The following FHAD1 variants were observed in gnomAD, a reference collection of about 807,000 sequenced individuals.
FHAD1 encodes forkhead-associated domain-containing protein 1.
FHAD1 carries 146 observed loss-of-function variants against 191.3 expected under a neutral mutation model. The ratio of observed to expected loss-of-function variants is 0.76; its 90% confidence interval spans 0.67 to 0.88. The LOEUF (loss-of-function observed/expected upper bound fraction) is 0.88. Ranked by LOEUF, FHAD1 falls within the 40% of genes least tolerant of loss-of-function variation. The pLI is 0.00. For synonymous variants in FHAD1, 616 were observed against 672.3 expected (o/e 0.92, Z 1.29); for missense variants, 1,635 against 1,785.8 (o/e 0.92, Z 1.52).
At chr1:15,272,572 C>T (rs1392555310) in intron 3 of FHAD1, 43 bp downstream of exon 3, 14 of 1,513,080 alleles carry the variant, frequency 9.3e-6, no homozygotes, top group Non-Finnish European at 1.3e-5. Flanking sequence ...ATGTCGCCTT[C>T]GTGCAGCCCG....
intron 18 of FHAD1, among the ~76,000 whole-genome samples, chr1:15,346,174 G>A (rs1051144879): frequency 1.3e-5 from 2 of 152,162 alleles, no homozygotes; most frequent in Admixed American, 1.3e-4. Context: ...TCCCTCACAG[G>A]ACTAGAGCCT....
intron 2 of FHAD1, among the ~76,000 whole-genome samples, chr1:15,253,148 CTG>C (rs5772631): frequency 0.31 from 45,447 of 145,884 alleles, 7,216 homozygotes; most frequent in East Asian, 0.58. Flanking sequence ...GACATAAGTG[CTG>C]TGTGTGTGTG....
At chr1:15,341,987 C>G in intron 16 of FHAD1, 99 bp downstream of exon 16, 1 of 1,033,720 alleles carries the variant, frequency 9.7e-7, no homozygotes. Flanking sequence ...GAAATCTCAG[C>G]TACTCTGTTT....
rs1425212702 is a variant in FHAD1, at chr1:15,308,750, G to A, written c.1039+14G>A. 3.2e-6 allele frequency: 5 copies of A among 1,551,418 alleles called. No homozygotes were observed. The Admixed American group carries it at 7.8e-5, about 24-fold the overall frequency. ...CTATCACATCAGGTGAGCCCTTGGA[G>A]TCGGGCCTGGGAGCTGCCACTCCCG... On this transcript the variant is annotated intron_variant, in intron 7 of 33. Coordinates refer to ENST00000688493, the MANE Select transcript of FHAD1 (RefSeq NM_001391957.1).
chr1:15,267,728 G>T (rs1654119436), intron 2 of FHAD1, among the ~76,000 whole-genome samples: 1 of 150,044 alleles, frequency 6.7e-6, no homozygotes, highest in Admixed American at 6.7e-5. Flanking sequence ...TATCAAATTT[G>T]TGGACAGAGA....
intron 6 of FHAD1, among the ~76,000 whole-genome samples, chr1:15,302,705 G>A (rs1282595802): frequency 3.3e-5 from 5 of 151,516 alleles, no homozygotes; most frequent in African/African-American, 7.3e-5. Context: ...GCGACAGAGC[G>A]AGACTCCGTC....
Position 15,289,619 on chromosome 1 carries a change from T to G in FHAD1, c.521T>G (p.Phe174Cys). ...RRPVSANKEM[F>C]SFVVDDARKP... Reference sequence around the variant, plus strand: ...CCTGTGAGCGCCAACAAGGAGATGTTCTCGTTCGTGGTGGACGACGCCCGC... The same window carrying G: ...CCTGTGAGCGCCAACAAGGAGATGTGCTCGTTCGTGGTGGACGACGCCCGC... Residue 174 changes from phenylalanine (F) to cysteine (C), a missense_variant, in exon 4 of 34, where the codon TTC becomes TGC. Phe to Cys is a radical substitution (Grantham distance 205). Transcript: ENST00000688493. The surrounding 1 kb of genome is among the most constrained non-coding windows in gnomAD (Gnocchi z 4.2). The G allele has an allele frequency of 6.4e-7, 1 of 1,551,476 alleles. No individual in the cohort carries two copies. The highest frequency in any genetic ancestry group is 1.2e-5 in the South Asian group (1 of 84,046).
At position 15,339,272 on chromosome 1, in the gene FHAD1, C is replaced by A. The variant is rs566360681; in HGVS notation, c.1907-209C>A. On this transcript the variant is annotated intron_variant, in intron 14 of 33. Coordinates refer to ENST00000688493, the MANE Select transcript of FHAD1 (RefSeq NM_001391957.1). ...CTGACCTCAGGTGATCTGCCCATCT[C>A]AGCCTCCCAAAGTGCTGGGGTTACA... Among the ~76,000 whole-genome samples the A allele has an allele frequency of 3.9e-5, 6 of 152,310 alleles. No homozygotes were observed. The South Asian group carries it at 1.2e-3, about 32-fold the overall frequency.
chr1:15,283,034 C>T (rs933793793), intron 3 of FHAD1, among the ~76,000 whole-genome samples: 6 of 152,246 alleles, frequency 3.9e-5, no homozygotes, highest in Non-Finnish European at 5.9e-5. Flanking sequence ...ATGGGCAGTG[C>T]GCCCAGAGTA....
chr1:15,313,335 T>TG (rs1196507764), intron 8 of FHAD1, 148 bp downstream of exon 8: 18 of 14,794 alleles, frequency 1.2e-3, no homozygotes, highest in African/African-American at 4.2e-3. Context: ...GGCGGGGTGG[T>TG]GGGGGGGTGG....
chr1:15,247,264 G>C lies in FHAD1; in HGVS notation c.-146G>C, dbSNP rs1372256041. On this transcript the variant is annotated 5_prime_UTR_variant, in exon 1 of 34. Transcript: ENST00000688493. ...GCGTACACAGGCCGGCCGGGCGGGC[G>C]GGGTGCCGGGTGCGAGCTGGAGACT... 5.5e-6 allele frequency: 1 copy of C among 181,484 alleles called. No homozygotes were observed. The highest frequency in any genetic ancestry group is 6.9e-5 in the South Asian group (1 of 14,452). The allele number at this position is 181,484 out of a possible 1,614,324, so 11.2% of individuals were successfully genotyped here.
At chr1:15,304,494 A>G (rs1211226199) in intron 6 of FHAD1, among the ~76,000 whole-genome samples, 1 of 152,096 alleles carries the variant, frequency 6.6e-6, no homozygotes, top group East Asian at 1.9e-4. Context: ...TGGGGGATGT[A>G]TTTTCCCATC....
downstream of FHAD1, among the ~76,000 whole-genome samples, chr1:15,399,002 A>G (rs1240959767): frequency 6.6e-6 from 1 of 151,980 alleles, no homozygotes; most frequent in African/African-American, 2.4e-5. Flanking sequence ...TTGTATTTTT[A>G]GTAGAGATGG....
chr1:15,352,865 A>C lies in FHAD1; in HGVS notation c.2455-12A>C. 6.5e-7 allele frequency: 1 copy of C among 1,548,582 alleles called. No individual in the cohort carries two copies. On this transcript the variant is annotated splice_polypyrimidine_tract_variant and intron_variant, in intron 19 of 33. Transcript: ENST00000688493. ...GGGCACAGGCCCTCAAACCACTTTCATTGACTTCCAGATCTCAGAGAGCAA... is the reference window on the plus strand; with the variant it reads ...GGGCACAGGCCCTCAAACCACTTTCCTTGACTTCCAGATCTCAGAGAGCAA...
intron 10 of FHAD1, among the ~76,000 whole-genome samples, chr1:15,323,907 C>CA (rs946000129): frequency 6.6e-6 from 1 of 152,160 alleles, no homozygotes; most frequent in Admixed American, 6.5e-5. Context: ...TAGCAATAAA[C>CA]AGTTACAATA....
At chr1:15,367,237 T>G (rs1298701523) in intron 24 of FHAD1, among the ~76,000 whole-genome samples, 1 of 152,176 alleles carries the variant, frequency 6.6e-6, no homozygotes, top group Non-Finnish European at 1.5e-5. Context: ...ACCTTACACC[T>G]GTAGTCCCCG....
chr1:15,380,577 G>A (rs1283818489), intron 28 of FHAD1, 124 bp from the exon 29 acceptor site: 10 of 719,538 alleles, frequency 1.4e-5, no homozygotes, highest in East Asian at 2.7e-5. Flanking sequence ...GGAATGATCA[G>A]GACGCGGACT....
At chr1:15,264,371 T>A (rs75693959) in intron 2 of FHAD1, among the ~76,000 whole-genome samples, 1 of 152,192 alleles carries the variant, frequency 6.6e-6, no homozygotes, top group African/African-American at 2.4e-5. Flanking sequence ...AGTTTATTTC[T>A]AATATTTTCT....
intron 20 of FHAD1, 34 bp downstream of exon 20, chr1:15,353,018 C>A (rs1212644716): frequency 6.9e-7 from 1 of 1,458,988 alleles, no homozygotes; most frequent in Non-Finnish European, 9.4e-7. Context: ...ACGAGAGGGG[C>A]CCAGCACAGC....
Sources: gnomAD v4.1 joint callset for allele counts (sites outside exome capture counted in the v4.1 genomes callset) on GRCh38, gnomAD v4.1.1 for gene constraint, Gnocchi (gnomAD v3.1) non-coding constraint, MANE v1.5 for transcripts, NCBI Gene and HGNC (gene_info 2026-07-23, HGNC 2026-07-21) for gene names.